Variants in DNM3 observed in about 807,000 individuals in gnomAD.
The protein encoded by DNM3 is dynamin 3.
DNM3 carries 47 observed loss-of-function variants against 101.6 expected under a neutral mutation model. That is an observed-to-expected ratio of 0.46 (90% CI 0.37 to 0.59). The LOEUF (loss-of-function observed/expected upper bound fraction) is 0.59. Among genes scored for constraint, DNM3 ranks in the 20% least tolerant of loss-of-function variants. DNM3 has a pLI of 0.00. For synonymous variants in DNM3, 385 were observed against 387.9 expected, an observed-to-expected ratio of 0.99 and a Z score of 0.09; for missense variants, 849 against 1,085.7, an observed-to-expected ratio of 0.78 and a Z score of 3.06.
intron 17 of DNM3, among the ~76,000 whole-genome samples, chr1:172,372,928 C>T (rs1226632904): frequency 6.6e-6 from 1 of 151,884 alleles, no homozygotes; most frequent in Non-Finnish European, 1.5e-5. Context: ...AAGTGATCTA[C>T]CCACCTTGGC....
At position 172,277,572 on chromosome 1, in the gene DNM3, G is replaced by A. The variant is rs76087080; in HGVS notation, c.1769+23890G>A. Among the ~76,000 whole-genome samples the A allele has an allele frequency of 2.5e-3, 375 of 152,028 alleles. 1 individual carries two copies. The highest frequency in any genetic ancestry group is 7.5e-3 in the African/African-American group (310 of 41,488). Reference sequence around the variant, plus strand: ...CAAGAATAGAAAACACACTACTGATGTACAAAATTATGGTGTTTTATAACC... The same window carrying A: ...CAAGAATAGAAAACACACTACTGATATACAAAATTATGGTGTTTTATAACC... On this transcript the variant is annotated intron_variant, in intron 15 of 20. Transcript: ENST00000627582.
intron 20 of DNM3, among the ~76,000 whole-genome samples, chr1:172,391,367 C>T (rs1317274635): frequency 6.6e-6 from 1 of 152,080 alleles, no homozygotes; most frequent in Non-Finnish European, 1.5e-5. Flanking sequence ...TGAGAGAGGG[C>T]AAGAAAGACT....
chr1:172,168,500 G>A (rs2058835091), intron 14 of DNM3, among the ~76,000 whole-genome samples: 1 of 151,996 alleles, frequency 6.6e-6, no homozygotes, highest in South Asian at 2.1e-4. Context: ...AAAGCTCCAA[G>A]TATGTGTCCA....
chr1:172,077,026 T>C (rs1005764597), intron 11 of DNM3, among the ~76,000 whole-genome samples: 1 of 152,208 alleles, frequency 6.6e-6, no homozygotes, highest in Non-Finnish European at 1.5e-5. Flanking sequence ...ATTCAACTTC[T>C]TCCTGGTTTA....
At position 172,319,880 on chromosome 1, in the gene DNM3, G is replaced by A. The variant is rs866879607; in HGVS notation, c.1882-3449G>A. Among the ~76,000 whole-genome samples, 166 of 152,122 alleles carry A rather than the reference G, an allele frequency of 1.1e-3. 1 individual carries two copies. The Middle Eastern group carries it at 0.034, about 31-fold the overall frequency. ...CATTTGACCCAGCCATCCCATTACT[G>A]GGTATATACCCAAAGGAGTATAAAT... On this transcript the variant is annotated intron_variant, in intron 16 of 20. Coordinates refer to ENST00000627582, the MANE Select transcript of DNM3 (RefSeq NM_015569.5).
At chr1:172,100,853 G>T (rs2054593166) in intron 13 of DNM3, among the ~76,000 whole-genome samples, 1 of 152,144 alleles carries the variant, frequency 6.6e-6, no homozygotes, top group Admixed American at 6.5e-5. Flanking sequence ...ACTGCAAGAT[G>T]ACTGTCATCA....
At chr1:172,015,481 C>T (rs2047390184) in intron 4 of DNM3, among the ~76,000 whole-genome samples, 2 of 152,104 alleles carry the variant, frequency 1.3e-5, no homozygotes, top group Admixed American at 6.5e-5. Context: ...ACGGATCTTG[C>T]ATATATTTTG....
chr1:171,898,013 A>T (rs1458361761), intron 1 of DNM3, among the ~76,000 whole-genome samples: 1 of 151,854 alleles, frequency 6.6e-6, no homozygotes, highest in East Asian at 1.9e-4. Flanking sequence ...TTTAATTAGG[A>T]GAGGGATTTT....
chr1:171,940,151 TACTC>T (rs1463591699), intron 2 of DNM3, among the ~76,000 whole-genome samples: 1 of 152,224 alleles, frequency 6.6e-6, no homozygotes, highest in Admixed American at 6.5e-5. Flanking sequence ...GATGGTTTTG[TACTC>T]ACTCTAGGTG....
intron 15 of DNM3, among the ~76,000 whole-genome samples, chr1:172,259,581 AC>A (rs1212236632): frequency 6.6e-6 from 1 of 152,032 alleles, no homozygotes; most frequent in African/African-American, 2.4e-5. Context: ...ACTTTTGAGC[AC>A]CATTTACATG....
chr1:172,050,881 C>CTT (rs140391349), intron 10 of DNM3, among the ~76,000 whole-genome samples: 4 of 149,316 alleles, frequency 2.7e-5, no homozygotes, highest in South Asian at 2.1e-4. Context: ...ATGCATGAAT[C>CTT]TTTTTTTTTT....
intron 10 of DNM3, among the ~76,000 whole-genome samples, chr1:172,064,819 TTGCTTAG>T (rs1463845618): frequency 3.9e-5 from 6 of 152,192 alleles, no homozygotes; most frequent in African/African-American, 1.4e-4. Context: ...AGATCCTACA[TTGCTTAG>T]TGTCTCTTCA....
intron 14 of DNM3, among the ~76,000 whole-genome samples, chr1:172,250,999 A>T (rs60732555): frequency 0.044 from 6,695 of 152,210 alleles, 449 homozygotes; most frequent in African/African-American, 0.14. Flanking sequence ...ACATATAATC[A>T]ATTAAAAAGT....
chr1:172,093,002 T>G (rs180949963), intron 13 of DNM3, 127 bp downstream of exon 13: 2 of 879,112 alleles, frequency 2.3e-6, no homozygotes, highest in East Asian at 5.9e-5. Context: ...GCTTTCATTT[T>G]GATTTGTTTT....
At chr1:171,869,195 T>G (rs1451091931) in intron 1 of DNM3, among the ~76,000 whole-genome samples, 1 of 152,204 alleles carries the variant, frequency 6.6e-6, no homozygotes, top group Non-Finnish European at 1.5e-5. Flanking sequence ...AACCATTTTG[T>G]GAATGCTTTT....
At chr1:172,137,992 G>A (rs188392794) in intron 14 of DNM3, 12 of 152,218 alleles carry the variant, frequency 7.9e-5, no homozygotes, top group African/African-American at 2.9e-4. Context: ...TCAAGATCTT[G>A]AAAGTTTATA....
In DNM3 at chr1:172,411,515, T is replaced by C. The variant is rs992399989; in HGVS notation, c.*3674T>C. 11 of 982,646 alleles carry C rather than the reference T, an allele frequency of 1.1e-5. No individual in the cohort carries two copies. In the African/African-American group the frequency reaches 1.9e-4, roughly 17 times the overall value. The allele number at this position is 982,646 out of a possible 1,614,324, so 60.9% of individuals were successfully genotyped here. A position where few individuals can be genotyped will look rare whatever the true frequency, so the allele number is the denominator to read the frequency against. ...TAAAAAGCCAAGTTGATATACATAG[T>C]CATTTTTCCTCTATGGTAGAAGTAA... On this transcript the variant is annotated 3_prime_UTR_variant, in exon 21 of 21. Coordinates refer to ENST00000627582, the MANE Select transcript of DNM3 (RefSeq NM_015569.5).
chr1:172,225,479 G>A (rs1024913330), intron 14 of DNM3, among the ~76,000 whole-genome samples: 3 of 151,844 alleles, frequency 2.0e-5, no homozygotes, highest in African/African-American at 7.3e-5. Flanking sequence ...CTTTTTCCCA[G>A]TGTCAGCACA....
chr1:171,948,874 C>G (rs2042328812), intron 2 of DNM3, among the ~76,000 whole-genome samples: 1 of 152,000 alleles, frequency 6.6e-6, no homozygotes, highest in Admixed American at 6.6e-5. Flanking sequence ...CTCAAGAGTT[C>G]TGAAAAAATG....
Sources: gnomAD v4.1 joint callset for allele counts (sites outside exome capture counted in the v4.1 genomes callset) on GRCh38, gnomAD v4.1.1 for gene constraint, MANE v1.5 for transcripts, NCBI Gene and HGNC (gene_info 2026-07-23, HGNC 2026-07-21) for gene names.